ADGRL2: variants seen among roughly 807,000 people sequenced by gnomAD.
ADGRL2 encodes the protein adhesion G protein-coupled receptor L2, also known as calcium-independent alpha-latrotoxin receptor 2.
ADGRL2 carries 44 observed loss-of-function variants against 157.4 expected under a neutral mutation model. That is an observed-to-expected ratio of 0.28 (90% CI 0.22 to 0.36). The LOEUF (loss-of-function observed/expected upper bound fraction) is 0.36, where lower values mean the gene tolerates loss of function less well. Ranked by LOEUF, ADGRL2 falls within the 10% of genes least tolerant of loss-of-function variation. ADGRL2 has a pLI of 1.00. For missense variants in ADGRL2, 1,510 were observed against 1,768.9 expected, an observed-to-expected ratio of 0.85 and a Z score of 2.63; for synonymous variants, 585 against 624.7, an observed-to-expected ratio of 0.94 and a Z score of 0.95.
At chr1:81,490,087 T>C (rs2078597409) in intron 2 of ADGRL2, among the ~76,000 whole-genome samples, 8 of 151,894 alleles carry the variant, frequency 5.3e-5, no homozygotes, top group Admixed American at 5.3e-4. Context: ...CATTTGTAAA[T>C]CTACTTTTTG....
At chr1:81,789,890 G>A (rs942042504) in intron 2 of ADGRL2, among the ~76,000 whole-genome samples, 1 of 152,008 alleles carries the variant, frequency 6.6e-6, no homozygotes, top group South Asian at 2.1e-4. Context: ...AGGCTTTTTG[G>A]TTGTTGGAGG....
At chr1:81,361,725 G>T (rs2075981296) in intron 1 of ADGRL2, among the ~76,000 whole-genome samples, 1 of 151,840 alleles carries the variant, frequency 6.6e-6, no homozygotes, top group South Asian at 2.1e-4. Flanking sequence ...AGTACAAAAG[G>T]GATAAACACT....
intron 3 of ADGRL2, among the ~76,000 whole-genome samples, chr1:81,926,562 T>C (rs1301199135): frequency 6.6e-6 from 1 of 152,078 alleles, no homozygotes; most frequent in African/African-American, 2.4e-5. Context: ...TTAACGTTTT[T>C]ATAAATAATT....
chr1:81,769,171 C>T (rs1053702196), intron 2 of ADGRL2, among the ~76,000 whole-genome samples: 1 of 152,118 alleles, frequency 6.6e-6, no homozygotes, highest in South Asian at 2.1e-4. Flanking sequence ...ACAAATGTCT[C>T]TTTCTAATTT....
At chr1:81,656,617 CA>C (rs1244568497) in intron 3 of ADGRL2, among the ~76,000 whole-genome samples, 2 of 151,894 alleles carry the variant, frequency 1.3e-5, no homozygotes, top group Non-Finnish European at 2.9e-5. Flanking sequence ...TACATTTTCC[CA>C]AAAAAACTCT....
chr1:81,580,916 A>G (rs531562449), exon 3 of ADGRL2: 11 of 152,314 alleles, frequency 7.2e-5, no homozygotes, highest in South Asian at 2.1e-4. Flanking sequence ...GATTTCTCCA[A>G]TGAAGGCTTG....
chr1:81,574,326 G>C (rs539871741), intron 2 of ADGRL2, among the ~76,000 whole-genome samples: 1 of 152,246 alleles, frequency 6.6e-6, no homozygotes, highest in Admixed American at 6.5e-5. Context: ...CTGCTTTCCG[G>C]AAATTAAAAT....
At chr1:81,906,505 G>A (rs1333039137) in intron 2 of ADGRL2, among the ~76,000 whole-genome samples, 1 of 152,128 alleles carries the variant, frequency 6.6e-6, no homozygotes, top group African/African-American at 2.4e-5. Context: ...TGTGCCATAA[G>A]CATCTTATTG....
exon 1 of ADGRL2, chr1:81,306,284 A>G (rs77862233): frequency 1.0e-3 from 157 of 152,282 alleles, no homozygotes; most frequent in African/African-American, 3.7e-3. Flanking sequence ...GAGATAATCC[A>G]TGCAAATCAG....
At chr1:81,358,285 C>G (rs914980751) in intron 1 of ADGRL2, among the ~76,000 whole-genome samples, 1 of 152,142 alleles carries the variant, frequency 6.6e-6, no homozygotes, top group Non-Finnish European at 1.5e-5. Flanking sequence ...ATTTTTCCCA[C>G]ATCATGTGAA....
At chr1:81,904,725 T>A (rs1246773107) in intron 2 of ADGRL2, among the ~76,000 whole-genome samples, 2 of 152,186 alleles carry the variant, frequency 1.3e-5, no homozygotes, top group Non-Finnish European at 2.9e-5. Context: ...CTGGCCAACA[T>A]GGTGAAACCT....
intron 2 of ADGRL2, among the ~76,000 whole-genome samples, chr1:81,537,834 G>A (rs551639040): frequency 8.6e-5 from 13 of 151,652 alleles, no homozygotes; most frequent in African/African-American, 3.1e-4. Context: ...CAAGTACCTG[G>A]GATTACAGGT....
chr1:81,359,084 TAAAA>T (rs760435009), intron 1 of ADGRL2, among the ~76,000 whole-genome samples: 2 of 151,346 alleles, frequency 1.3e-5, no homozygotes, highest in African/African-American at 2.4e-5. Context: ...TAAAAAAAAT[TAAAA>T]AAAAGAAAGA....
chr1:81,605,818 G>A (rs1351755267), intron 3 of ADGRL2, among the ~76,000 whole-genome samples: 10 of 152,132 alleles, frequency 6.6e-5, no homozygotes, highest in Non-Finnish European at 1.5e-5. Context: ...AAATAGCCAT[G>A]CAAATTACCA....
intron 1 of ADGRL2, among the ~76,000 whole-genome samples, chr1:81,390,990 A>G (rs1421834260): frequency 6.6e-6 from 1 of 152,306 alleles, no homozygotes; most frequent in Non-Finnish European, 1.5e-5. Flanking sequence ...TCAAATACAA[A>G]CACTCATGGA....
intron 3 of ADGRL2, among the ~76,000 whole-genome samples, chr1:81,633,328 G>T (rs1458308067): frequency 6.6e-6 from 1 of 152,018 alleles, no homozygotes; most frequent in Non-Finnish European, 1.5e-5. Flanking sequence ...GGGCGCAGTG[G>T]CTCATGCTTG....
At chr1:81,783,545 A>G (rs1571206939) in intron 2 of ADGRL2, among the ~76,000 whole-genome samples, 3 of 152,286 alleles carry the variant, frequency 2.0e-5, no homozygotes, top group South Asian at 4.1e-4. Context: ...AATATGAAAG[A>G]AAATAAATAA....
At chr1:81,651,614 A>C (rs1283448588) in intron 3 of ADGRL2, among the ~76,000 whole-genome samples, 1 of 152,128 alleles carries the variant, frequency 6.6e-6, no homozygotes, top group Non-Finnish European at 1.5e-5. Flanking sequence ...CCACTCTTAA[A>C]CTCAATCATC....
At chr1:81,367,172 C>T (rs1453008178) in intron 1 of ADGRL2, among the ~76,000 whole-genome samples, 1 of 151,600 alleles carries the variant, frequency 6.6e-6, no homozygotes, top group Non-Finnish European at 1.5e-5. Flanking sequence ...TGTACTTGGA[C>T]AAGCCTGTTT....
Sources: allele counts gnomAD v4.1 joint callset (sites outside exome capture counted in the v4.1 genomes callset), GRCh38; gene constraint gnomAD v4.1.1; transcripts MANE v1.5; gene names NCBI Gene and HGNC (gene_info 2026-07-23, HGNC 2026-07-21).